Variants in GRIN2A observed in about 807,000 individuals in gnomAD.
The protein encoded by GRIN2A is glutamate receptor ionotropic, NMDA 2A.
Under a neutral mutation model 113.4 loss-of-function variants are expected in GRIN2A, and 22 were observed. The ratio of observed to expected loss-of-function variants is 0.19; its 90% CI spans 0.14 to 0.28. The LOEUF (loss-of-function observed/expected upper bound fraction) is 0.28. Among genes scored for constraint, GRIN2A ranks in the 10% least tolerant of loss-of-function variants. The pLI, the probability that GRIN2A is intolerant of heterozygous loss-of-function variation, is 1.00. For synonymous variants in GRIN2A, 827 were observed against 738.4 expected, an observed-to-expected ratio of 1.12 and a Z score of -1.94; for missense variants, 1,502 against 1,887.0, an observed-to-expected ratio of 0.80 and a Z score of 3.78.
At chr16:9,993,831 G>A (rs1389053248) in intron 2 of GRIN2A, among the ~76,000 whole-genome samples, 1 of 152,144 alleles carries the variant, frequency 6.6e-6, no homozygotes, top group South Asian at 2.1e-4. Flanking sequence ...AGAGATCCCA[G>A]GTCCATCATG....
chr16:9,813,407 C>G lies in GRIN2A; in HGVS notation c.2168+8857G>C, dbSNP rs186440777. Among the ~76,000 whole-genome samples, 1,303 of 152,212 alleles carry G rather than the reference C, an allele frequency of 8.6e-3. 14 individuals carry two copies. Among genetic ancestry groups the G allele is most frequent in the African/African-American group, 0.03 (1,253 of 41,546 alleles). Reference sequence around the variant, plus strand: ...TTTTTTCTAGCTATTGCAAGTAATACTGTGTTGCTGAAAATTTGTTAAATG... The same window carrying G: ...TTTTTTCTAGCTATTGCAAGTAATAGTGTGTTGCTGAAAATTTGTTAAATG... On this transcript the variant is annotated intron_variant, in intron 10 of 12. Transcript: ENST00000330684.
chr16:10,025,301 T>C (rs1302852168), intron 2 of GRIN2A, among the ~76,000 whole-genome samples: 6 of 137,062 alleles, frequency 4.4e-5, no homozygotes, highest in African/African-American at 1.3e-4. Context: ...GGTCTTTTTT[T>C]TTTTTTTTTT....
At chr16:9,940,269 T>C (rs1483500787) in intron 2 of GRIN2A, among the ~76,000 whole-genome samples, 1 of 152,150 alleles carries the variant, frequency 6.6e-6, no homozygotes, top group Non-Finnish European at 1.5e-5. Flanking sequence ...TGGGGGATAA[T>C]TTGAGTGAAG....
chr16:10,008,613 A>G (rs1236850841), intron 2 of GRIN2A, among the ~76,000 whole-genome samples: 2 of 152,246 alleles, frequency 1.3e-5, no homozygotes, highest in African/African-American at 4.8e-5. Flanking sequence ...AGTTCCACAC[A>G]TAGGTAACTT....
intron 2 of GRIN2A, among the ~76,000 whole-genome samples, chr16:10,029,685 G>A (rs11642059): frequency 0.23 from 34,601 of 151,954 alleles, 4,776 homozygotes; most frequent in East Asian, 0.52. Flanking sequence ...CATGGTTTGC[G>A]TAAGGCAGCC....
At chr16:10,062,213 A>G (rs1414169574) in intron 2 of GRIN2A, among the ~76,000 whole-genome samples, 2 of 152,206 alleles carry the variant, frequency 1.3e-5, no homozygotes, top group African/African-American at 4.8e-5. Context: ...CTTTCTCTGT[A>G]AAAGGTCAAA....
At chr16:10,066,312 G>T (rs768781242) in intron 2 of GRIN2A, among the ~76,000 whole-genome samples, 10 of 152,094 alleles carry the variant, frequency 6.6e-5, no homozygotes, top group Non-Finnish European at 2.9e-5. Flanking sequence ...GCTCCTTCCT[G>T]GAGTCTAATC....
At chr16:9,998,162 C>G (rs1367893510) in intron 2 of GRIN2A, among the ~76,000 whole-genome samples, 1 of 152,148 alleles carries the variant, frequency 6.6e-6, no homozygotes, top group East Asian at 1.9e-4. Context: ...CTTTATTCTA[C>G]TAGATGAATC....
chr16:10,048,191 G>A (rs1027582709), intron 2 of GRIN2A, among the ~76,000 whole-genome samples: 1 of 152,174 alleles, frequency 6.6e-6, no homozygotes. Context: ...TATGTAAAAT[G>A]CAGATAATAA....
intron 2 of GRIN2A, among the ~76,000 whole-genome samples, chr16:10,095,745 A>G (rs143806065): frequency 1.2e-4 from 18 of 152,332 alleles, no homozygotes; most frequent in African/African-American, 3.8e-4. Flanking sequence ...ACTTTACAGT[A>G]GAGACTGCAG....
intron 2 of GRIN2A, among the ~76,000 whole-genome samples, chr16:10,131,035 G>T (rs951922658): frequency 6.6e-6 from 1 of 152,184 alleles, no homozygotes; most frequent in African/African-American, 2.4e-5. Context: ...CATCTCTGCA[G>T]TCGGGACTTT....
intron 2 of GRIN2A, among the ~76,000 whole-genome samples, chr16:10,045,503 G>A (rs1310298158): frequency 6.6e-6 from 1 of 152,022 alleles, no homozygotes; most frequent in African/African-American, 2.4e-5. Context: ...GTTCAAAGTG[G>A]GACACAGCTT....
At chr16:9,961,591 G>A (rs529177281) in intron 2 of GRIN2A, among the ~76,000 whole-genome samples, 18 of 152,210 alleles carry the variant, frequency 1.2e-4, no homozygotes, top group African/African-American at 4.3e-4. Flanking sequence ...ACTTCATAGG[G>A]AACTAGAAAT....
chr16:9,851,308 T>A (rs1447102273), intron 4 of GRIN2A, among the ~76,000 whole-genome samples: 1 of 152,074 alleles, frequency 6.6e-6, no homozygotes, highest in East Asian at 1.9e-4. Flanking sequence ...GGATGGCGAG[T>A]AGAGCAATTT....
chr16:9,933,690 G>C (rs1317254689), intron 3 of GRIN2A, among the ~76,000 whole-genome samples: 1 of 152,100 alleles, frequency 6.6e-6, no homozygotes, highest in Non-Finnish European at 1.5e-5. Context: ...GCTACAGATA[G>C]GTCTGTTCTC....
At position 9,939,553 on chromosome 16, in the gene GRIN2A, G is replaced by A. The variant is rs1343130563; in HGVS notation, c.415-1002C>T. On this transcript the variant is annotated intron_variant, in intron 2 of 12. Transcript: ENST00000330684. ...ACAAATTTCCATTTAGAAAAGGCAG[G>A]TGATGCATACAGTGGTACAATATAC... 3.3e-5 allele frequency among the ~76,000 whole-genome samples: 5 copies of A among 152,238 alleles called. No individual in the cohort carries two copies. The South Asian group carries it at 1.0e-3, about 32-fold the overall frequency.
At chr16:10,019,121 G>GTCTA (rs1211578577) in intron 2 of GRIN2A, among the ~76,000 whole-genome samples, 1 of 150,320 alleles carries the variant, frequency 6.7e-6, no homozygotes, top group Non-Finnish European at 1.5e-5. Context: ...TGCAGGATCT[G>GTCTA]TGCCTCAGTT....
intron 7 of GRIN2A, among the ~76,000 whole-genome samples, chr16:9,835,630 A>C (rs557274818): frequency 1.3e-5 from 2 of 152,230 alleles, no homozygotes; most frequent in African/African-American, 4.8e-5. Flanking sequence ...ATATTTTCTG[A>C]GGGTTAAAAT....
intron 2 of GRIN2A, among the ~76,000 whole-genome samples, chr16:10,059,255 C>T (rs2047508935): frequency 6.6e-6 from 1 of 152,044 alleles, no homozygotes; most frequent in Admixed American, 6.6e-5. Context: ...GCAGTGTATG[C>T]AGGGGAATAA....
Sources: allele counts gnomAD v4.1 joint callset (sites outside exome capture counted in the v4.1 genomes callset), GRCh38; gene constraint gnomAD v4.1.1; transcripts MANE v1.5; gene names NCBI Gene and HGNC (gene_info 2026-07-23, HGNC 2026-07-21).